Variants in KCNT2 observed in about 807,000 individuals in gnomAD.
KCNT2 encodes the protein potassium sodium-activated channel subfamily T member 2, also known as potassium channel subfamily T member 2.
In KCNT2, 67 loss-of-function variants were observed where a neutral mutation model predicts 153.8. The observed-to-expected ratio is 0.44, with a 90% CI of 0.36 to 0.53. The LOEUF is 0.53. KCNT2 is among the 20% of genes least tolerant of loss of function. The pLI is 0.00. For missense variants in KCNT2, 975 were observed against 1,354.8 expected (o/e 0.72, Z 4.40); for synonymous variants, 500 against 458.8 (o/e 1.09, Z -1.15).
Position 196,593,402 on chromosome 1 carries a change from G to A in KCNT2, c.95+14813C>T, listed in dbSNP as rs147386725. ...TCTTTATCCACTCATTGATTGAAGG[G>A]CATTTGGGCTGATTCCAAATTTTTT... On this transcript the variant is annotated intron_variant, in intron 1 of 27. Coordinates refer to ENST00000294725, the MANE Select transcript of KCNT2 (RefSeq NM_198503.5). Among the ~76,000 whole-genome samples, 112 of 150,770 alleles carry A rather than the reference G, an allele frequency of 7.4e-4. No homozygotes were observed. In the East Asian group the frequency reaches 0.019, roughly 25 times the overall value.
intron 26 of KCNT2, among the ~76,000 whole-genome samples, chr1:196,244,353 G>A (rs1466316730): frequency 1.3e-5 from 2 of 152,190 alleles, no homozygotes; most frequent in African/African-American, 4.8e-5. Context: ...GCAGCCCCAG[G>A]TACCAGCTTG....
chr1:196,267,857 G>A (rs1657697922), intron 25 of KCNT2, among the ~76,000 whole-genome samples: 1 of 152,130 alleles, frequency 6.6e-6, no homozygotes, highest in Non-Finnish European at 1.5e-5. Flanking sequence ...CTTGCAGGAA[G>A]GAAAAGTTTC....
At chr1:196,562,888 C>T (rs780340626) in intron 1 of KCNT2, among the ~76,000 whole-genome samples, 1 of 151,990 alleles carries the variant, frequency 6.6e-6, no homozygotes. Context: ...TTTAGCTAAA[C>T]TCTACCATCT....
chr1:196,346,601 T>A lies in KCNT2; in HGVS notation c.1404-4373A>T, dbSNP rs145989729. ...TAATCCCCTCTCATTATTATTGACC[T>A]TGAAAATTTTCCTTGCTTGTCTGAT... On this transcript the variant is annotated intron_variant, in intron 14 of 27. Transcript: ENST00000294725. Among the ~76,000 whole-genome samples, 45 of 152,240 alleles carry A rather than the reference T, an allele frequency of 3.0e-4. 1 individual carries two copies. In the East Asian group the frequency reaches 8.5e-3, roughly 29 times the overall value.
At chr1:196,231,318 A>T (rs192246032) in intron 27 of KCNT2, among the ~76,000 whole-genome samples, 1 of 152,020 alleles carries the variant, frequency 6.6e-6, no homozygotes, top group African/African-American at 2.4e-5. Flanking sequence ...CTTGATTGCA[A>T]TATTCACTCT....
intron 14 of KCNT2, among the ~76,000 whole-genome samples, chr1:196,372,124 T>C (rs76656727): frequency 1.6e-4 from 25 of 152,146 alleles, no homozygotes; most frequent in Non-Finnish European, 3.2e-4. Context: ...GTATATAGAA[T>C]AGAAATATTC....
intron 13 of KCNT2, among the ~76,000 whole-genome samples, chr1:196,374,058 A>G (rs1668748047): frequency 6.6e-6 from 1 of 151,904 alleles, no homozygotes; most frequent in Non-Finnish European, 1.5e-5. Context: ...TTTCTACAGA[A>G]GTCGTGTTTT....
Position 196,469,077 on chromosome 1 carries a change from A to G in KCNT2, c.385-9T>C. The G allele has an allele frequency of 6.4e-7, 1 of 1,564,324 alleles. No homozygotes were observed. The highest frequency in any genetic ancestry group is 8.8e-7 in the Non-Finnish European group (1 of 1,141,816). ...TGTTCCCAGATGTTTCCCTTCCAAG[A>G]AAGAATGAATAAAAACGAAAGTCAA... On this transcript the variant is annotated splice_polypyrimidine_tract_variant and intron_variant, in intron 5 of 27. Coordinates refer to ENST00000294725, the MANE Select transcript of KCNT2 (RefSeq NM_198503.5).
At chr1:196,393,206 A>G (rs6413933) in intron 13 of KCNT2, among the ~76,000 whole-genome samples, 149,219 of 151,414 alleles carry the variant, frequency 0.99, 73,559 homozygotes, top group East Asian at 1. Flanking sequence ...CCTACTTGTG[A>G]GTGAAAATTT....
At chr1:196,584,116 G>T (rs1662375931) in intron 1 of KCNT2, among the ~76,000 whole-genome samples, 2 of 149,806 alleles carry the variant, frequency 1.3e-5, no homozygotes, top group South Asian at 4.2e-4. Flanking sequence ...CTGGAACAGG[G>T]TATTACCTGG....
At chr1:196,370,591 A>G (rs921386046) in intron 14 of KCNT2, among the ~76,000 whole-genome samples, 5 of 152,112 alleles carry the variant, frequency 3.3e-5, no homozygotes, top group African/African-American at 9.7e-5. Context: ...GATGTAAAGA[A>G]AGTAGCATCC....
chr1:196,514,059 G>A (rs1374354878), intron 1 of KCNT2, among the ~76,000 whole-genome samples: 1 of 152,124 alleles, frequency 6.6e-6, no homozygotes, highest in Non-Finnish European at 1.5e-5. Flanking sequence ...GAGTTGATTT[G>A]AGGGCATGTT....
chr1:196,317,571 T>C (rs542505011), intron 20 of KCNT2, among the ~76,000 whole-genome samples: 1 of 151,694 alleles, frequency 6.6e-6, no homozygotes, highest in Non-Finnish European at 1.5e-5. Context: ...GCTTTCACAA[T>C]CTTTTTTCTT....
intron 5 of KCNT2, among the ~76,000 whole-genome samples, chr1:196,474,331 A>G (rs942622220): frequency 1.3e-5 from 2 of 152,192 alleles, no homozygotes; most frequent in African/African-American, 4.8e-5. Flanking sequence ...TGTTAAGAAT[A>G]CCTGTATTTT....
intron 12 of KCNT2, among the ~76,000 whole-genome samples, chr1:196,414,469 T>C (rs1039320706): frequency 2.6e-5 from 4 of 151,828 alleles, no homozygotes; most frequent in African/African-American, 9.7e-5. Flanking sequence ...AAAAGAATTT[T>C]GTTTAATCTT....
intron 1 of KCNT2, among the ~76,000 whole-genome samples, chr1:196,580,454 A>T (rs1661897821): frequency 6.6e-6 from 1 of 152,112 alleles, no homozygotes; most frequent in African/African-American, 2.4e-5. Flanking sequence ...GTGTTTGATT[A>T]CCCTGAGAAA....
At position 196,594,813 on chromosome 1, in the gene KCNT2, A is replaced by G. The variant is rs1005955340; in HGVS notation, c.95+13402T>C. Among the ~76,000 whole-genome samples the G allele has an allele frequency of 2.0e-5, 3 of 152,132 alleles. No homozygotes were observed. In the East Asian group the frequency reaches 5.8e-4, roughly 29 times the overall value. The stretch of plus-strand genomic sequence containing the variant: ...GCACTAAAGCAGACATCAGCTTGTG[A>G]AAAGAGGGATGATTTCTGTGAATAA... On this transcript the variant is annotated intron_variant, in intron 1 of 27. Coordinates refer to ENST00000294725, the MANE Select transcript of KCNT2 (RefSeq NM_198503.5).
At chr1:196,536,620 C>T (rs1184498018) in intron 1 of KCNT2, among the ~76,000 whole-genome samples, 1 of 152,198 alleles carries the variant, frequency 6.6e-6, no homozygotes, top group African/African-American at 2.4e-5. Context: ...TTATACTCAG[C>T]ATACTCCACT....
At chr1:196,382,647 T>C (rs1572242189) in intron 13 of KCNT2, among the ~76,000 whole-genome samples, 1 of 151,946 alleles carries the variant, frequency 6.6e-6, no homozygotes, top group Non-Finnish European at 1.5e-5. Context: ...TCAATTATAA[T>C]AGGAAAAAGC....
Sources: allele counts gnomAD v4.1 joint callset (sites outside exome capture counted in the v4.1 genomes callset), GRCh38; gene constraint gnomAD v4.1.1; transcripts MANE v1.5; gene names NCBI Gene and HGNC (gene_info 2026-07-23, HGNC 2026-07-21).